LRFN5: variants seen among roughly 807,000 people sequenced by gnomAD.
The protein encoded by LRFN5 is leucine-rich repeat and fibronectin type-III domain-containing protein 5.
Under a neutral mutation model 45.6 loss-of-function variants are expected in LRFN5, and 24 were observed. That is an observed-to-expected ratio of 0.53 (90% CI 0.38 to 0.74). The LOEUF is 0.74. Ranked by LOEUF, LRFN5 falls within the 30% of genes least tolerant of loss-of-function variation. The probability of loss-of-function intolerance (pLI) is 0.00; values close to 1 mark genes in which losing one functional copy is unlikely to be tolerated. For synonymous variants in LRFN5, 340 were observed against 313.8 expected (o/e 1.08, Z -0.88); for missense variants, 776 against 861.5 (o/e 0.90, Z 1.24).
intron 1 of LRFN5, among the ~76,000 whole-genome samples, chr14:41,622,125 C>CT (rs1566591646): frequency 3.7e-5 from 4 of 108,714 alleles, no homozygotes; most frequent in East Asian, 2.2e-4. Context: ...CTTTCCATCC[C>CT]TCTTTTTTTT....
chr14:41,658,997 C>G (rs1216561659), intron 1 of LRFN5, among the ~76,000 whole-genome samples: 1 of 151,734 alleles, frequency 6.6e-6, no homozygotes, highest in East Asian at 1.9e-4. Context: ...TTTCTTAGCC[C>G]CTAAAATTTC....
At chr14:41,802,379 T>C (rs1473419461) in intron 2 of LRFN5, among the ~76,000 whole-genome samples, 1 of 152,094 alleles carries the variant, frequency 6.6e-6, no homozygotes, top group Admixed American at 6.6e-5. Flanking sequence ...GGATTCTTGC[T>C]GAAGGCAGGC....
At chr14:41,834,368 G>T (rs1256285831) in intron 2 of LRFN5, among the ~76,000 whole-genome samples, 1 of 151,920 alleles carries the variant, frequency 6.6e-6, no homozygotes, top group East Asian at 1.9e-4. Context: ...CATTTCATTT[G>T]GTTTTTTAGA....
At chr14:41,619,952 T>C (rs556163885) in intron 1 of LRFN5, among the ~76,000 whole-genome samples, 1 of 152,200 alleles carries the variant, frequency 6.6e-6, no homozygotes, top group South Asian at 2.1e-4. Context: ...ATTATTATTA[T>C]TATATATTGA....
chr14:41,901,122 T>C (rs1891088992), intron 5 of LRFN5, among the ~76,000 whole-genome samples: 1 of 151,904 alleles, frequency 6.6e-6, no homozygotes, highest in Non-Finnish European at 1.5e-5. Flanking sequence ...ATATCTAATA[T>C]ATAATACAAT....
At chr14:41,812,799 A>C (rs1463353301) in intron 2 of LRFN5, among the ~76,000 whole-genome samples, 1 of 152,146 alleles carries the variant, frequency 6.6e-6, no homozygotes, top group East Asian at 1.9e-4. Flanking sequence ...GCAATATTTT[A>C]TTTAGTATAG....
At chr14:41,755,599 T>G (rs1885339710) in intron 1 of LRFN5, among the ~76,000 whole-genome samples, 1 of 152,192 alleles carries the variant, frequency 6.6e-6, no homozygotes, top group Non-Finnish European at 1.5e-5. Context: ...CCTGCCTTTT[T>G]TTGTTTTCCA....
chr14:41,650,885 A>G (rs12434939), intron 1 of LRFN5, among the ~76,000 whole-genome samples: 4 of 104,812 alleles, frequency 3.8e-5, no homozygotes, highest in Admixed American at 1.1e-4. Context: ...GAGACAGAGA[A>G]AGAGAGAGAG....
chr14:41,779,496 G>A (rs1203025441), intron 2 of LRFN5, among the ~76,000 whole-genome samples: 3 of 151,886 alleles, frequency 2.0e-5, no homozygotes, highest in African/African-American at 7.2e-5. Flanking sequence ...CATAGAATGA[G>A]TTAAGAAGCA....
At chr14:41,690,008 ACT>A (rs1182994471) in intron 1 of LRFN5, among the ~76,000 whole-genome samples, 4 of 152,106 alleles carry the variant, frequency 2.6e-5, no homozygotes, top group South Asian at 2.1e-4. Flanking sequence ...CTTTTTACAA[ACT>A]CTCTTTTCAA....
intron 1 of LRFN5, among the ~76,000 whole-genome samples, chr14:41,651,427 A>T (rs1227204950): frequency 6.6e-6 from 1 of 152,316 alleles, no homozygotes; most frequent in East Asian, 1.9e-4. Flanking sequence ...GAAAAACAAG[A>T]TTAAATTTTG....
Position 41,749,946 on chromosome 14 carries a change from A to G in LRFN5, c.-196-16908A>G, listed in dbSNP as rs568730778. Among the ~76,000 whole-genome samples the G allele has an allele frequency of 7.0e-4, 107 of 152,310 alleles. 2 individuals are homozygous for G. Among genetic ancestry groups the G allele is most frequent in the South Asian group, 3.5e-3 (17 of 4,828 alleles). On this transcript the variant is annotated intron_variant, in intron 1 of 5. Coordinates refer to ENST00000298119, the MANE Select transcript of LRFN5 (RefSeq NM_152447.5). ...CAACTAGCACATATTTAAATAAAAT[A>G]TCAAAAATGGTAACTTTTAGTTAAC... is the stretch of plus-strand genomic sequence containing the variant.
chr14:41,831,378 A>G (rs1194849419), intron 2 of LRFN5, among the ~76,000 whole-genome samples: 2 of 152,220 alleles, frequency 1.3e-5, no homozygotes, highest in Non-Finnish European at 2.9e-5. Context: ...ATACATACAT[A>G]GACATAAACA....
intron 2 of LRFN5, among the ~76,000 whole-genome samples, chr14:41,790,321 A>AT (rs887780860): frequency 2.9e-4 from 44 of 150,922 alleles, no homozygotes; most frequent in African/African-American, 9.2e-4. Context: ...TTTGAGTCTT[A>AT]TTTTTTTTCT....
intron 1 of LRFN5, among the ~76,000 whole-genome samples, chr14:41,683,038 G>A (rs1881970158): frequency 6.6e-6 from 1 of 152,122 alleles, no homozygotes; most frequent in Admixed American, 6.5e-5. Flanking sequence ...ACACAGGCCA[G>A]TGTTCCTACT....
At chr14:41,775,759 G>A (rs900556843) in intron 2 of LRFN5, among the ~76,000 whole-genome samples, 1 of 152,010 alleles carries the variant, frequency 6.6e-6, no homozygotes, top group Non-Finnish European at 1.5e-5. Flanking sequence ...GAACCCTCTC[G>A]TTATAAAAAA....
intron 4 of LRFN5, chr14:41,892,299 AT>A: frequency 1.0e-6 from 1 of 962,054 alleles, no homozygotes; most frequent in Non-Finnish European, 1.2e-6. Context: ...CAGTATATAT[AT>A]ATACACATAT....
At chr14:41,688,910 CAAAAAAAAA>C (rs59803978) in intron 1 of LRFN5, among the ~76,000 whole-genome samples, 3 of 125,262 alleles carry the variant, frequency 2.4e-5, no homozygotes, top group Admixed American at 1.6e-4. Context: ...CTATTTCTAC[CAAAAAAAAA>C]AAAAAAAAAG....
chr14:41,625,127 A>G (rs1888281351), intron 1 of LRFN5, among the ~76,000 whole-genome samples: 1 of 152,152 alleles, frequency 6.6e-6, no homozygotes, highest in Non-Finnish European at 1.5e-5. Flanking sequence ...TGAATGAGAG[A>G]GGATAGTACA....
Sources: allele counts gnomAD v4.1 joint callset (sites outside exome capture counted in the v4.1 genomes callset), GRCh38; gene constraint gnomAD v4.1.1; transcripts MANE v1.5; gene names NCBI Gene and HGNC (gene_info 2026-07-23, HGNC 2026-07-21).